The following DCHS2 variants were observed in gnomAD, a reference collection of about 807,000 sequenced individuals.
DCHS2 encodes dachsous cadherin-related 2.
DCHS2 carries 142 observed loss-of-function variants against 182.4 expected under a neutral mutation model. That is an observed-to-expected ratio of 0.78 (90% CI 0.68 to 0.89). The LOEUF (loss-of-function observed/expected upper bound fraction) is 0.89, where lower values mean the gene tolerates loss of function less well. DCHS2 is among the 40% of genes least tolerant of loss of function. The pLI, the probability that DCHS2 is intolerant of heterozygous loss-of-function variation, is 0.00. For missense variants in DCHS2, 4,319 were observed against 4,198.6 expected (o/e 1.03, Z -0.79); for synonymous variants, 1,740 against 1,663.3 (o/e 1.05, Z -1.12).
At chr4:154,319,169 C>G (rs566132839) in intron 9 of DCHS2, among the ~76,000 whole-genome samples, 10 of 152,090 alleles carry the variant, frequency 6.6e-5, no homozygotes, top group African/African-American at 2.4e-4. Context: ...GTATCTTTAT[C>G]TTACACTATA....
intron 1 of DCHS2, among the ~76,000 whole-genome samples, chr4:154,378,622 C>T (rs1475761667): frequency 6.6e-6 from 1 of 152,106 alleles, no homozygotes; most frequent in African/African-American, 2.4e-5. Context: ...AAGTACATCA[C>T]ATACTTACAA....
Position 154,233,266 on chromosome 4 carries a change from A to C in DCHS2, c.*1270T>G, listed in dbSNP as rs534082569. 1.3e-5 allele frequency: 2 copies of C among 152,262 alleles called. No individual in the cohort carries two copies. Among genetic ancestry groups the C allele is most frequent in the East Asian group, 1.9e-4 (1 of 5,174 alleles). 9.4% of individuals were successfully genotyped at this position (152,262 alleles called of 1,614,324 possible). On this transcript the variant is annotated 3_prime_UTR_variant, in exon 20 of 20. Transcript: ENST00000357232. ...TGTCCACCTTCCTGAAAGGGATGAG[A>C]ATCTGTGAGGGATTCCCAGGCTTAT...
chr4:154,271,146 A>C (rs531273496), intron 13 of DCHS2, among the ~76,000 whole-genome samples: 8 of 152,326 alleles, frequency 5.3e-5, no homozygotes, highest in Non-Finnish European at 1.0e-4. Flanking sequence ...CAAATAAGGC[A>C]GGAGTGGGGA....
At chr4:154,356,631 T>C (rs867569472) in intron 3 of DCHS2, among the ~76,000 whole-genome samples, 2 of 152,330 alleles carry the variant, frequency 1.3e-5, no homozygotes. Context: ...TATGTTTAGA[T>C]ATACAAATTC....
chr4:154,302,765 G>C (rs79546836), intron 12 of DCHS2, among the ~76,000 whole-genome samples: 1 of 93,384 alleles, frequency 1.1e-5, no homozygotes, highest in East Asian at 4.9e-4. Flanking sequence ...GAAAGAGGAA[G>C]GTGACACAAG....
intron 1 of DCHS2, among the ~76,000 whole-genome samples, chr4:154,415,301 A>G (rs999730337): frequency 6.6e-6 from 1 of 152,342 alleles, no homozygotes; most frequent in African/African-American, 2.4e-5. Context: ...TTTGACTTAT[A>G]CATAGATTTA....
At position 154,321,147 on chromosome 4, in the gene DCHS2, G is replaced by A; in HGVS notation, c.4252C>T (p.Pro1418Ser). The A allele has an allele frequency of 1.3e-6, 2 of 1,592,076 alleles. No individual in the cohort carries two copies. The highest frequency in any genetic ancestry group is 1.7e-6 in the Non-Finnish European group (2 of 1,166,412). Residue 1418 changes from proline to serine, a missense_variant, in exon 9 of 20, where the codon CCC (proline) becomes TCC (serine). Coordinates refer to ENST00000357232, the MANE Select transcript of DCHS2 (RefSeq NM_001358235.2). ...TTTATCAAGCTCATTATTTTTGTGG[G>A]CTTCAAATTTTCTGGTATAATTAAA... ...RHLIIPENLK[P>S]TKIMSLIKSS...
At chr4:154,481,764 C>T (rs1424772343) in intron 1 of DCHS2, among the ~76,000 whole-genome samples, 1 of 152,126 alleles carries the variant, frequency 6.6e-6, no homozygotes, top group Non-Finnish European at 1.5e-5. Context: ...AAAATTGAGG[C>T]TTACAAAGGT....
Position 154,333,357 on chromosome 4 carries a change from G to C in DCHS2, c.2851C>G (p.Gln951Glu), listed in dbSNP as rs1392308222. The change falls in exon 5 of 20, where the codon CAG (glutamine) becomes GAG (glutamate). Residue 951 changes from glutamine to glutamate, a missense_variant. Physicochemically the swap from Gln to Glu is conservative, Grantham distance 29. Transcript: ENST00000357232. ...ETQPVVVLTV[Q>E]AQLGSAPACS... Reference sequence around the variant, plus strand: ...GCTGGGGCGCTGCCGAGCTGCGCCTGCACCGTGAGCACAACCACGGGCTGC... The same window carrying C: ...GCTGGGGCGCTGCCGAGCTGCGCCTCCACCGTGAGCACAACCACGGGCTGC... 6.2e-7 allele frequency: 1 copy of C among 1,614,174 alleles called. No individual in the cohort carries two copies. The highest frequency in any genetic ancestry group is 8.5e-7 in the Non-Finnish European group (1 of 1,180,028).
rs1478433252 is a variant in DCHS2 at position 154,486,402 on chromosome 4, T to C, written c.2052+2902A>G. ...ACTAAGACAACTTGAAGTTAAAGGGTTTGTTTTTATCAGATGACATGGTAT... is the reference window on the plus strand; with the variant it reads ...ACTAAGACAACTTGAAGTTAAAGGGCTTGTTTTTATCAGATGACATGGTAT... On this transcript the variant is annotated intron_variant, in intron 1 of 19. Coordinates refer to ENST00000357232, the MANE Select transcript of DCHS2 (RefSeq NM_001358235.2). The C allele has an allele frequency of 3.8e-6, 5 of 1,303,270 alleles. No individual in the cohort carries two copies. The East Asian group carries it at 2.2e-4, about 58-fold the overall frequency. The allele number at this position is 1,303,270 out of a possible 1,614,324, so 80.7% of individuals were successfully genotyped here.
chr4:154,389,516 T>TATATATATATATATATATATATATA (rs1731575119), intron 1 of DCHS2, among the ~76,000 whole-genome samples: 7 of 111,132 alleles, frequency 6.3e-5, no homozygotes, highest in Non-Finnish European at 8.0e-5. Flanking sequence ...AAGACAAAGG[T>TATATATATATATATATATATATATA]TATATATATA....
chr4:154,303,480 G>T (rs1342141997), intron 12 of DCHS2, among the ~76,000 whole-genome samples: 1 of 82,340 alleles, frequency 1.2e-5, no homozygotes. Flanking sequence ...AAGGGTAAGT[G>T]AAGCAAAAAA....
rs1156292492 is a variant in DCHS2, at chr4:154,489,919, C to T, written c.1437G>A (p.Ala479=). The change falls in exon 1 of 20, where the codon GCG becomes GCA. Residue 479 remains alanine (A), a synonymous_variant. Transcript: ENST00000357232. ...LSLEGGEGDF[A]LLPGGPPGVF... Reference sequence around the variant, plus strand: ...CCCCTGGGGGGCCGCCGGGTAGCAACGCGAAGTCTCCCTCTCCGCCTTCCA... The same window carrying T: ...CCCCTGGGGGGCCGCCGGGTAGCAATGCGAAGTCTCCCTCTCCGCCTTCCA... 2.3e-5 allele frequency: 35 copies of T among 1,538,018 alleles called. No homozygotes were observed. Among genetic ancestry groups the T allele is most frequent in the Middle Eastern group, 3.4e-4 (2 of 5,932 alleles).
chr4:154,242,597 T>C (rs1335201372), intron 17 of DCHS2, 45 bp downstream of exon 17: 1 of 1,589,856 alleles, frequency 6.3e-7, no homozygotes, highest in Non-Finnish European at 8.5e-7. Flanking sequence ...GTAAATGATA[T>C]TATACAAGTT....
At chr4:154,325,045 TA>T (rs1358215513) in intron 7 of DCHS2, among the ~76,000 whole-genome samples, 13 of 152,106 alleles carry the variant, frequency 8.5e-5, no homozygotes, top group Non-Finnish European at 1.9e-4. Context: ...AGCTAATTTA[TA>T]AAAAAAGAAT....
At chr4:154,359,311 A>G (rs1374222880) in intron 3 of DCHS2, among the ~76,000 whole-genome samples, 2 of 152,050 alleles carry the variant, frequency 1.3e-5, no homozygotes, top group South Asian at 2.1e-4. Flanking sequence ...ATGCAGTACT[A>G]AGTGAACTTA....
intron 1 of DCHS2, among the ~76,000 whole-genome samples, chr4:154,427,843 C>A (rs570728003): frequency 7.8e-4 from 118 of 152,226 alleles, no homozygotes; most frequent in Non-Finnish European, 1.3e-3. Flanking sequence ...ATCTGTAAAA[C>A]GGAAAATATA....
chr4:154,277,104 TA>T (rs971675890), intron 13 of DCHS2, among the ~76,000 whole-genome samples: 23 of 151,980 alleles, frequency 1.5e-4, no homozygotes, highest in Admixed American at 3.3e-4. Context: ...TTCTAACCCA[TA>T]AAAAAAAGGC....
At chr4:154,438,363 A>C (rs1372446209) in intron 1 of DCHS2, among the ~76,000 whole-genome samples, 1 of 152,164 alleles carries the variant, frequency 6.6e-6, no homozygotes, top group African/African-American at 2.4e-5. Context: ...CTGGCTTTCC[A>C]TTCTGTTAAG....
Sources: allele counts gnomAD v4.1 joint callset (sites outside exome capture counted in the v4.1 genomes callset), GRCh38; gene constraint gnomAD v4.1.1; transcripts MANE v1.5; gene names NCBI Gene and HGNC (gene_info 2026-07-23, HGNC 2026-07-21).